The following SPMIP2 variants were observed in gnomAD, a reference collection of about 807,000 sequenced individuals.
The protein encoded by SPMIP2 is protein SPMIP2.
At chr4:158,970,427 C>G in the SPMIP2 span, among the ~76,000 whole-genome samples, 2 of 151,966 alleles carry the variant, frequency 1.3e-5, no homozygotes, top group Admixed American at 6.6e-5. Context: ...GTAGTCTCAG[C>G]TACTCAGAAG....
the SPMIP2 span, among the ~76,000 whole-genome samples, chr4:158,903,926 G>A: frequency 1.3e-5 from 2 of 152,142 alleles, no homozygotes; most frequent in Non-Finnish European, 2.9e-5. Context: ...TCTTAACCCA[G>A]TACCTTTTAG....
the SPMIP2 span, among the ~76,000 whole-genome samples, chr4:158,957,850 A>G: frequency 7.2e-5 from 11 of 152,252 alleles, no homozygotes; most frequent in Non-Finnish European, 1.5e-4. Flanking sequence ...TTTTATAATG[A>G]ACTATTTTAT....
the SPMIP2 span, among the ~76,000 whole-genome samples, chr4:159,070,957 T>G: frequency 6.6e-6 from 1 of 152,166 alleles, no homozygotes. Flanking sequence ...CAAGCCTCAG[T>G]GGTCAGCAAT....
chr4:159,013,303 T>A, the SPMIP2 span, among the ~76,000 whole-genome samples: 1 of 152,206 alleles, frequency 6.6e-6, no homozygotes, highest in Non-Finnish European at 1.5e-5. Flanking sequence ...GCAGCATTAT[T>A]CACAATAGCC....
chr4:158,901,128 A>ATTTTTTTTTTTTTTTTTTTTTTTTTTTT, the SPMIP2 span, among the ~76,000 whole-genome samples: 1 of 112,302 alleles, frequency 8.9e-6, no homozygotes, highest in African/African-American at 3.7e-5. Context: ...CTGGGTTGAA[A>ATTTTTTTTTTTTTTTTTTTTTTTTTTTT]TTTTTTTTTT....
chr4:158,991,496 A>G, the SPMIP2 span, among the ~76,000 whole-genome samples: 1 of 152,154 alleles, frequency 6.6e-6, no homozygotes, highest in African/African-American at 2.4e-5. Flanking sequence ...AACGAATCTC[A>G]GCTTTCCAAG....
At chr4:158,964,151 T>TCAAAACAAAACAAAACAAAACAAAA in the SPMIP2 span, among the ~76,000 whole-genome samples, 1 of 100,080 alleles carries the variant, frequency 1.0e-5, no homozygotes, top group Non-Finnish European at 2.5e-5. Flanking sequence ...TGAGACTATC[T>TCAAAACAAAACAAAACAAAACAAAA]CAAAACAAAA....
chr4:158,921,549 T>C, the SPMIP2 span, among the ~76,000 whole-genome samples: 2 of 152,226 alleles, frequency 1.3e-5, no homozygotes, highest in Non-Finnish European at 2.9e-5. Flanking sequence ...TGCCTGCTTC[T>C]GCTTTCCCTT....
chr4:159,080,410 G>C, the SPMIP2 span, among the ~76,000 whole-genome samples: 1 of 151,892 alleles, frequency 6.6e-6, no homozygotes, highest in Non-Finnish European at 1.5e-5. Flanking sequence ...GTAGAGACAG[G>C]GGTCTCCCTA....
the SPMIP2 span, among the ~76,000 whole-genome samples, chr4:158,913,718 A>C: frequency 2.0e-5 from 3 of 152,068 alleles, no homozygotes; most frequent in Non-Finnish European, 4.4e-5. Context: ...CTGTAGTCCT[A>C]GCTACTCAGG....
chr4:159,022,978 C>T, the SPMIP2 span, among the ~76,000 whole-genome samples: 2 of 151,424 alleles, frequency 1.3e-5, no homozygotes, highest in African/African-American at 2.4e-5. Context: ...TGCAGTGAGC[C>T]GAGATCATGC....
chr4:159,019,470 G>T, the SPMIP2 span, among the ~76,000 whole-genome samples: 1 of 152,086 alleles, frequency 6.6e-6, no homozygotes, highest in East Asian at 1.9e-4. Flanking sequence ...GTCAGTAATG[G>T]CTTATAGATG....
the SPMIP2 span, among the ~76,000 whole-genome samples, chr4:159,048,566 T>G: frequency 9.9e-5 from 15 of 151,850 alleles, no homozygotes; most frequent in South Asian, 6.3e-4. Flanking sequence ...CACAAGAAAA[T>G]CTTGGACCAG....
chr4:158,932,466 G>A, the SPMIP2 span, among the ~76,000 whole-genome samples: 1 of 152,040 alleles, frequency 6.6e-6, no homozygotes, highest in Non-Finnish European at 1.5e-5. Flanking sequence ...GAGACTCTGT[G>A]TCAAAACATA....
the SPMIP2 span, among the ~76,000 whole-genome samples, chr4:158,957,415 A>T: frequency 1.3e-5 from 2 of 151,608 alleles, no homozygotes; most frequent in African/African-American, 4.8e-5. Flanking sequence ...GCCAGGAATG[A>T]TCTTGTACTC....
the SPMIP2 span, among the ~76,000 whole-genome samples, chr4:158,914,892 C>G: frequency 2.6e-5 from 4 of 152,286 alleles, no homozygotes; most frequent in South Asian, 2.1e-4. Flanking sequence ...GCTCTTGGAA[C>G]TCACAGGGGT....
the SPMIP2 span, among the ~76,000 whole-genome samples, chr4:158,913,454 T>C: frequency 6.6e-6 from 1 of 152,118 alleles, no homozygotes; most frequent in East Asian, 1.9e-4. Flanking sequence ...AAACTTGGGC[T>C]CAAGTGATTC....
At chr4:158,991,430 T>A in the SPMIP2 span, among the ~76,000 whole-genome samples, 1 of 152,214 alleles carries the variant, frequency 6.6e-6, no homozygotes, top group Admixed American at 6.5e-5. Context: ...GCCCCTGACA[T>A]GTGGACCAGG....
the SPMIP2 span, among the ~76,000 whole-genome samples, chr4:158,966,702 A>G: frequency 1.3e-5 from 2 of 152,216 alleles, no homozygotes; most frequent in Non-Finnish European, 2.9e-5. Context: ...GTCAAGCCTT[A>G]ACAAGAGTTC....
Sources: allele counts gnomAD v4.1 joint callset (sites outside exome capture counted in the v4.1 genomes callset), GRCh38; gene constraint gnomAD v4.1.1; transcripts MANE v1.5; gene names NCBI Gene and HGNC (gene_info 2026-07-23, HGNC 2026-07-21).